Variants in ALOX5 observed in about 807,000 individuals in gnomAD.
ALOX5 encodes the protein polyunsaturated fatty acid 5-lipoxygenase.
Under a neutral mutation model 87.9 loss-of-function variants are expected in ALOX5, and 64 were observed. The observed-to-expected ratio is 0.73, with a 90% CI of 0.60 to 0.90. The LOEUF is 0.90. Among genes scored for constraint, ALOX5 ranks in the 40% least tolerant of loss-of-function variants. The probability of loss-of-function intolerance (pLI) is 0.00; values close to 1 mark genes in which losing one functional copy is unlikely to be tolerated. For synonymous variants in ALOX5, 388 were observed against 355.1 expected (o/e 1.09, Z -1.04); for missense variants, 822 against 907.5 (o/e 0.91, Z 1.21).
chr10:45,425,543 G>A lies in ALOX5; in HGVS notation c.834+411G>A, dbSNP rs185480660. On this transcript the variant is annotated intron_variant, in intron 6 of 13. Coordinates refer to ENST00000374391, the MANE Select transcript of ALOX5 (RefSeq NM_000698.5). This position sits in a 1 kb window ranked among gnomAD's most constrained non-coding sequence, Gnocchi z 4.4. ...GGAGAAAGAAGCAGACCTTGTGTGAGAATAAAAAAGGGGCACGAGGAGAAA... is the reference window on the plus strand; with the variant it reads ...GGAGAAAGAAGCAGACCTTGTGTGAAAATAAAAAAGGGGCACGAGGAGAAA... 2.6e-5 allele frequency among the ~76,000 whole-genome samples: 4 copies of A among 152,280 alleles called. No homozygotes were observed. The highest frequency in any genetic ancestry group is 2.6e-4 in the Admixed American group (4 of 15,294).
chr10:45,407,194 C>T (rs1269120036), intron 3 of ALOX5, among the ~76,000 whole-genome samples: 1 of 152,070 alleles, frequency 6.6e-6, no homozygotes, highest in African/African-American at 2.4e-5. Context: ...ACACTTCAGT[C>T]TTCCCATTTT....
chr10:45,425,069 G>A lies in ALOX5; in HGVS notation c.771G>A (p.Pro257=), dbSNP rs186828290. The change falls in exon 6 of 14, where the codon CCG becomes CCA. Residue 257 remains proline, a synonymous_variant. Coordinates refer to ENST00000374391, the MANE Select transcript of ALOX5 (RefSeq NM_000698.5). This position sits in a 1 kb window ranked among gnomAD's most constrained non-coding sequence, Gnocchi z 4.4. ...RRCTELPEKL[P]VTTEMVECSL... ...GCACAGAGCTGCCCGAGAAGCTCCC[G>A]GTGACCACGGAGATGGTAGAGTGCA... 70 of 1,614,056 alleles carry A rather than the reference G, an allele frequency of 4.3e-5. No homozygotes were observed. The highest frequency in any genetic ancestry group is 4.3e-4 in the Admixed American group (26 of 60,026).
chr10:45,428,922 G>A (rs1589037468), intron 7 of ALOX5, among the ~76,000 whole-genome samples, 158 bp downstream of exon 7: 1 of 152,210 alleles, frequency 6.6e-6, no homozygotes, highest in East Asian at 1.9e-4. Flanking sequence ...GGGGCGGAGA[G>A]GGTTCTACTC....
At chr10:45,382,808 C>A in intron 2 of ALOX5, 127 bp downstream of exon 2, 1 of 1,153,034 alleles carries the variant, frequency 8.7e-7, no homozygotes, top group Non-Finnish European at 1.2e-6. Context: ...AGGGCTCTGC[C>A]CTGTGCCTCG....
chr10:45,391,615 T>A (rs1194670269), intron 2 of ALOX5, among the ~76,000 whole-genome samples: 1 of 151,578 alleles, frequency 6.6e-6, no homozygotes, highest in Non-Finnish European at 1.5e-5. Flanking sequence ...GAGGAGCGTC[T>A]CTGCCCGGCC....
intron 4 of ALOX5, 55 bp from the exon 5 acceptor site, chr10:45,423,986 C>A: frequency 7.1e-7 from 1 of 1,412,776 alleles, no homozygotes. Context: ...TGAAGGGGCT[C>A]TGCAGAGGGA....
chr10:45,388,812 C>G (rs999898331), intron 2 of ALOX5, among the ~76,000 whole-genome samples: 3 of 152,242 alleles, frequency 2.0e-5, no homozygotes, highest in Admixed American at 6.5e-5. Flanking sequence ...AAGGCAGCTC[C>G]TCGCGAGTGG....
At position 45,388,710 on chromosome 10, in the gene ALOX5, G is replaced by A. The variant is rs371110255; in HGVS notation, c.349+6029G>A. ...CCATCTGTACGTCACCATCATCAAAGACCAAAGGTAAATAAAACCACAAAG... is the reference window on the plus strand; with the variant it reads ...CCATCTGTACGTCACCATCATCAAAAACCAAAGGTAAATAAAACCACAAAG... On this transcript the variant is annotated intron_variant, in intron 2 of 13. Coordinates refer to ENST00000374391, the MANE Select transcript of ALOX5 (RefSeq NM_000698.5). Among the ~76,000 whole-genome samples, 36 of 152,330 alleles carry A rather than the reference G, an allele frequency of 2.4e-4. No homozygotes were observed. In the East Asian group the frequency reaches 5.8e-3, roughly 25 times the overall value.
intron 7 of ALOX5, among the ~76,000 whole-genome samples, chr10:45,433,617 A>T (rs190997516): frequency 6.6e-6 from 1 of 152,338 alleles, no homozygotes. Context: ...TCATTAATCA[A>T]TACATGGAGG....
At chr10:45,419,935 G>A (rs1424204892) in intron 4 of ALOX5, among the ~76,000 whole-genome samples, 2 of 152,154 alleles carry the variant, frequency 1.3e-5, no homozygotes, top group Non-Finnish European at 1.5e-5. Flanking sequence ...AGGAAAGAGA[G>A]GCCGGAAGAG....
intron 2 of ALOX5, among the ~76,000 whole-genome samples, chr10:45,389,602 A>G (rs1840134427): frequency 6.6e-6 from 1 of 152,238 alleles, no homozygotes; most frequent in African/African-American, 2.4e-5. Flanking sequence ...TAAGCTTCAT[A>G]AGTGAAGGAG....
intron 3 of ALOX5, among the ~76,000 whole-genome samples, chr10:45,406,114 G>A (rs554524511): frequency 1.3e-5 from 2 of 152,144 alleles, no homozygotes; most frequent in African/African-American, 2.4e-5. Flanking sequence ...CCAGTCCTGT[G>A]AAAGTTGTTT....
At chr10:45,441,234 C>A in intron 8 of ALOX5, 110 bp from the exon 9 acceptor site, 2 of 893,296 alleles carry the variant, frequency 2.2e-6, no homozygotes, top group Non-Finnish European at 3.6e-6. Flanking sequence ...TTCCTCCCTG[C>A]GCCCAGCATC....
At chr10:45,419,727 A>T (rs2132788738) in intron 4 of ALOX5, among the ~76,000 whole-genome samples, 1 of 152,384 alleles carries the variant, frequency 6.6e-6, no homozygotes, top group South Asian at 2.1e-4. Context: ...CGGCAGAGTG[A>T]GACCCTGTTT....
At chr10:45,388,847 A>G (rs576685054) in intron 2 of ALOX5, among the ~76,000 whole-genome samples, 1 of 152,394 alleles carries the variant, frequency 6.6e-6, no homozygotes, top group South Asian at 2.1e-4. Flanking sequence ...ATGGAGAATG[A>G]CTTTGACGAG....
intron 3 of ALOX5, among the ~76,000 whole-genome samples, chr10:45,404,035 A>G (rs935866808): frequency 6.6e-6 from 1 of 152,240 alleles, no homozygotes; most frequent in Admixed American, 6.5e-5. Flanking sequence ...GGCTCTAATT[A>G]GACTTTGCTA....
chr10:45,376,023 C>T (rs1166657079), intron 1 of ALOX5, among the ~76,000 whole-genome samples: 1 of 152,236 alleles, frequency 6.6e-6, no homozygotes, highest in Non-Finnish European at 1.5e-5. Flanking sequence ...TCCCCATTCT[C>T]CTCCACACAT....
chr10:45,403,298 T>C (rs1271957515), intron 3 of ALOX5, among the ~76,000 whole-genome samples: 4 of 152,198 alleles, frequency 2.6e-5, no homozygotes, highest in Non-Finnish European at 5.9e-5. Flanking sequence ...AAACTGCTGC[T>C]AACATGGACA....
chr10:45,380,899 G>A (rs370703478), intron 1 of ALOX5, among the ~76,000 whole-genome samples: 3 of 152,176 alleles, frequency 2.0e-5, no homozygotes, highest in African/African-American at 7.2e-5. Flanking sequence ...CCGAGATCGA[G>A]CCACTGCACT....
Sources: gnomAD v4.1 joint callset for allele counts (sites outside exome capture counted in the v4.1 genomes callset) on GRCh38, gnomAD v4.1.1 for gene constraint, Gnocchi (gnomAD v3.1) non-coding constraint, MANE v1.5 for transcripts, NCBI Gene and HGNC (gene_info 2026-07-23, HGNC 2026-07-21) for gene names.